Variants in ATP8A2 observed in about 807,000 individuals in gnomAD.
The protein encoded by ATP8A2 is ATPase phospholipid transporting 8A2, also known as phospholipid-transporting ATPase IB.
In ATP8A2, 100 loss-of-function variants were observed where a neutral mutation model predicts 165.6. The observed-to-expected ratio is 0.60, with a 90% CI of 0.51 to 0.71. The LOEUF (loss-of-function observed/expected upper bound fraction) is 0.71. Among genes scored for constraint, ATP8A2 ranks in the 30% least tolerant of loss-of-function variants. ATP8A2 has a pLI of 0.00. For missense variants in ATP8A2, 1,227 were observed against 1,479.5 expected, an observed-to-expected ratio of 0.83 and a Z score of 2.80; for synonymous variants, 543 against 548.8, an observed-to-expected ratio of 0.99 and a Z score of 0.15.
chr13:25,439,335 A>G (rs1219474139), intron 1 of ATP8A2, among the ~76,000 whole-genome samples: 1 of 152,180 alleles, frequency 6.6e-6, no homozygotes, highest in African/African-American at 2.4e-5. Flanking sequence ...GGGTCAAAAA[A>G]AGGACATCAT....
intron 30 of ATP8A2, among the ~76,000 whole-genome samples, chr13:25,845,302 C>T (rs1196590193): frequency 6.6e-6 from 1 of 152,160 alleles, no homozygotes; most frequent in Non-Finnish European, 1.5e-5. Flanking sequence ...GTTGAGCAAC[C>T]CTCCTTGAAG....
chr13:25,507,709 T>C (rs2037095679), intron 2 of ATP8A2, among the ~76,000 whole-genome samples: 1 of 152,176 alleles, frequency 6.6e-6, no homozygotes, highest in African/African-American at 2.4e-5. Flanking sequence ...ATCTTAGCCA[T>C]TACATATATA....
At chr13:25,459,592 G>A (rs1379281432) in intron 1 of ATP8A2, among the ~76,000 whole-genome samples, 1 of 152,334 alleles carries the variant, frequency 6.6e-6, no homozygotes, top group Non-Finnish European at 1.5e-5. Flanking sequence ...TAGGGAATAA[G>A]TGAGAAGGGG....
At chr13:25,793,693 G>A (rs1175597042) in intron 27 of ATP8A2, among the ~76,000 whole-genome samples, 1 of 151,742 alleles carries the variant, frequency 6.6e-6, no homozygotes, top group Non-Finnish European at 1.5e-5. Flanking sequence ...AAAAACTGTT[G>A]TTGGTAATAG....
chr13:25,551,583 G>A, intron 11 of ATP8A2, 80 bp downstream of exon 11: 1 of 1,407,322 alleles, frequency 7.1e-7, no homozygotes, highest in Non-Finnish European at 9.8e-7. Context: ...TTGAAGTGTG[G>A]TGTCCCTGCT....
chr13:25,481,823 G>A (rs752224451), intron 2 of ATP8A2, among the ~76,000 whole-genome samples: 1 of 152,124 alleles, frequency 6.6e-6, no homozygotes, highest in African/African-American at 2.4e-5. Flanking sequence ...GAGAGTGAAG[G>A]AGAGACAGAG....
intron 25 of ATP8A2, among the ~76,000 whole-genome samples, chr13:25,756,731 G>A (rs922473668): frequency 6.6e-6 from 1 of 152,212 alleles, no homozygotes; most frequent in Non-Finnish European, 1.5e-5. Context: ...GCCAATGCGT[G>A]GAAAGCACTT....
At chr13:25,514,815 A>G (rs1484055928) in intron 2 of ATP8A2, among the ~76,000 whole-genome samples, 1 of 152,106 alleles carries the variant, frequency 6.6e-6, no homozygotes, top group Non-Finnish European at 1.5e-5. Flanking sequence ...CTGCAGGCTG[A>G]AACTGTTCCC....
rs374397075 is a variant in ATP8A2, at chr13:25,953,522, T to TAAAAAAAAAAAAAAAAAAAAAA, written c.3184-8050_3184-8029dup. Among the ~76,000 whole-genome samples the TAAAAAAAAAAAAAAAAAAAAAA allele has an allele frequency of 1.1e-5, 1 of 94,960 alleles. No individual in the cohort carries two copies. The highest frequency in any genetic ancestry group is 4.3e-5 in the African/African-American group (1 of 23,330). The allele number at this position is 94,960 out of a possible 152,430, so 62.3% of individuals were successfully genotyped here. On this transcript the variant is annotated intron_variant, in intron 33 of 36. Coordinates refer to ENST00000381655, the MANE Select transcript of ATP8A2 (RefSeq NM_016529.6). The surrounding 1 kb of genome is among the most constrained non-coding windows in gnomAD (Gnocchi z 6.7). Reference sequence around the variant, plus strand: ...GTAGCCCTGGTTACTCCAGCCTTTTTAAAAAAAAAAAAAAAAAAAAAAAAG... The same window carrying TAAAAAAAAAAAAAAAAAAAAAA: ...GTAGCCCTGGTTACTCCAGCCTTTTTAAAAAAAAAAAAAAAAAAAAAAAAAAAAAAAAAAAAAAAAAAAAAAG...
intron 25 of ATP8A2, among the ~76,000 whole-genome samples, chr13:25,707,342 A>G (rs568606471): frequency 6.6e-6 from 1 of 152,232 alleles, no homozygotes; most frequent in Non-Finnish European, 1.5e-5. Context: ...ATTACTCTAT[A>G]AGATCAATTT....
At chr13:25,736,601 T>C (rs1166155638) in intron 25 of ATP8A2, among the ~76,000 whole-genome samples, 1 of 152,226 alleles carries the variant, frequency 6.6e-6, no homozygotes, top group African/African-American at 2.4e-5. Flanking sequence ...TTCATAAATA[T>C]TTTAGGCTTT....
intron 24 of ATP8A2, among the ~76,000 whole-genome samples, chr13:25,673,173 G>A (rs1170699331): frequency 3.9e-5 from 6 of 152,166 alleles, no homozygotes; most frequent in Non-Finnish European, 8.8e-5. Flanking sequence ...AAGGAGATGA[G>A]GGACAGAATG....
intron 24 of ATP8A2, among the ~76,000 whole-genome samples, chr13:25,603,707 T>C (rs1052156963): frequency 1.3e-5 from 2 of 151,912 alleles, no homozygotes; most frequent in African/African-American, 4.8e-5. Flanking sequence ...TGCTGATGTA[T>C]TGGATGTGGG....
intron 33 of ATP8A2, among the ~76,000 whole-genome samples, chr13:25,911,332 C>CAGCTAG (rs1954100039): frequency 6.6e-6 from 1 of 152,158 alleles, no homozygotes; most frequent in Non-Finnish European, 1.5e-5. Context: ...TGACCCTCAG[C>CAGCTAG]AGCTAGCTCT....
At chr13:25,927,412 C>T (rs1277157493) in intron 33 of ATP8A2, 1 of 349,572 alleles carries the variant, frequency 2.9e-6, no homozygotes, top group African/African-American at 2.1e-5. Flanking sequence ...CTGGTAGCTG[C>T]CTGTGTCAGA....
rs561240377 is a variant in ATP8A2 at position 26,011,167 on chromosome 13, C to G, written c.3378-1364C>G. On this transcript the variant is annotated intron_variant, in intron 35 of 36. Transcript: ENST00000381655. ...GTCTGTATTTGTCTGCCTGGGCTGC[C>G]GCAATAAAGTGCCATAGGCTGTGTG... Among the ~76,000 whole-genome samples, 4 of 152,106 alleles carry G rather than the reference C, an allele frequency of 2.6e-5. No individual in the cohort carries two copies. The East Asian group carries it at 7.7e-4, about 29-fold the overall frequency.
intron 25 of ATP8A2, among the ~76,000 whole-genome samples, chr13:25,742,316 C>T (rs922167216): frequency 6.6e-6 from 1 of 152,000 alleles, no homozygotes; most frequent in African/African-American, 2.4e-5. Flanking sequence ...GGGCACATGA[C>T]TGTAAAAGTC....
At chr13:25,698,422 G>A (rs1156883728) in intron 24 of ATP8A2, among the ~76,000 whole-genome samples, 5 of 151,960 alleles carry the variant, frequency 3.3e-5, no homozygotes, top group Non-Finnish European at 5.9e-5. Context: ...TCGTAGAGAC[G>A]GGGTTTCTCT....
intron 25 of ATP8A2, among the ~76,000 whole-genome samples, chr13:25,763,526 C>T (rs1566114722): frequency 6.6e-6 from 1 of 152,106 alleles, no homozygotes; most frequent in Non-Finnish European, 1.5e-5. Flanking sequence ...GATAAGCTAA[C>T]CCACAGGTAC....
Sources: allele counts gnomAD v4.1 joint callset (sites outside exome capture counted in the v4.1 genomes callset), GRCh38; gene constraint gnomAD v4.1.1; non-coding constraint Gnocchi (gnomAD v3.1); transcripts MANE v1.5; gene names NCBI Gene and HGNC (gene_info 2026-07-23, HGNC 2026-07-21).